Variants in FOXN2 observed in about 807,000 individuals in gnomAD.
FOXN2 encodes forkhead box N2, also known as forkhead box protein N2.
FOXN2 carries 19 observed loss-of-function variants against 41.2 expected under a neutral mutation model. That is an observed-to-expected ratio of 0.46 (90% confidence interval 0.32 to 0.68). The LOEUF (loss-of-function observed/expected upper bound fraction) is 0.68, where lower values mean the gene tolerates loss of function less well. FOXN2 is among the 30% of genes least tolerant of loss of function. FOXN2 has a pLI of 0.03. For missense variants in FOXN2, 587 were observed against 509.4 expected, an observed-to-expected ratio of 1.15 and a Z score of -1.47; for synonymous variants, 195 against 176.8, an observed-to-expected ratio of 1.10 and a Z score of -0.82.
intron 2 of FOXN2, among the ~76,000 whole-genome samples, chr2:48,344,840 AC>A (rs35784840): frequency 0.19 from 23,881 of 128,964 alleles, 3,033 homozygotes; most frequent in African/African-American, 0.37. Context: ...CTCTGGAGGT[AC>A]CCCCCCCCCC....
At chr2:48,316,336 G>C (rs1668919188) in intron 1 of FOXN2, among the ~76,000 whole-genome samples, 1 of 152,098 alleles carries the variant, frequency 6.6e-6, no homozygotes, top group South Asian at 2.1e-4. Flanking sequence ...GCATTATGGA[G>C]TTTGCCAACT....
chr2:48,357,583 C>A (rs769950021), intron 3 of FOXN2, among the ~76,000 whole-genome samples: 2 of 151,320 alleles, frequency 1.3e-5, no homozygotes, highest in African/African-American at 4.9e-5. Context: ...ACTATAGGCG[C>A]GCACCACCAC....
intron 3 of FOXN2, among the ~76,000 whole-genome samples, chr2:48,358,115 G>GT (rs928811319): frequency 3.1e-4 from 46 of 147,304 alleles, no homozygotes; most frequent in Admixed American, 1.6e-3. Flanking sequence ...ATTTTATCCC[G>GT]TTTTTTTTTA....
intron 5 of FOXN2, among the ~76,000 whole-genome samples, chr2:48,371,267 A>C (rs970197364): frequency 3.3e-5 from 5 of 152,122 alleles, no homozygotes; most frequent in African/African-American, 1.2e-4. Context: ...GTGTGGTGGC[A>C]CGCCTCTGTA....
chr2:48,349,387 G>T (rs1265538550), intron 3 of FOXN2, among the ~76,000 whole-genome samples: 1 of 152,114 alleles, frequency 6.6e-6, no homozygotes, highest in East Asian at 1.9e-4. Context: ...GGAAATGGAG[G>T]TAGGAGGATT....
chr2:48,324,234 TC>T lies in FOXN2; in HGVS notation c.-156-4324del, dbSNP rs1669521217. Among the ~76,000 whole-genome samples the T allele has an allele frequency of 2.6e-5, 3 of 113,520 alleles. No homozygotes were observed. The South Asian group carries it at 1.0e-3, about 39-fold the overall frequency. The allele number at this position is 113,520 out of a possible 152,430, so 74.5% of individuals were successfully genotyped here. A position where few individuals can be genotyped will look rare whatever the true frequency, so the allele number is the denominator to read the frequency against. ...TTTTGTGACAGAGTTTCGCTCTGTCTCCCAGGCCTGGAGTACAGTGGCACAA... is the reference window on the plus strand; with the variant it reads ...TTTTGTGACAGAGTTTCGCTCTGTCTCCAGGCCTGGAGTACAGTGGCACAA... On this transcript the variant is annotated intron_variant, in intron 1 of 6. Transcript: ENST00000340553.
In FOXN2 at chr2:48,365,574, G is replaced by C. The variant is rs76066228; in HGVS notation, c.703+2867G>C. On this transcript the variant is annotated intron_variant, in intron 5 of 6. Transcript: ENST00000340553. ...ACATTTCCACAAGTTTTTGCTGCTA[G>C]TTTCACCTGCATGTTTTTCATTTAC... is the stretch of plus-strand genomic sequence containing the variant. 2.5e-3 allele frequency among the ~76,000 whole-genome samples: 378 copies of C among 152,236 alleles called. 2 individuals are homozygous for C. The highest frequency in any genetic ancestry group is 6.8e-3 in the Middle Eastern group (2 of 294).
At chr2:48,362,457 C>T (rs2104473757) in intron 4 of FOXN2, among the ~76,000 whole-genome samples, 186 bp from the exon 5 acceptor site, 1 of 152,124 alleles carries the variant, frequency 6.6e-6, no homozygotes, top group South Asian at 2.1e-4. Flanking sequence ...TGGTCCCAGC[C>T]ACTCAGGCAG....
chr2:48,361,202 C>G (rs1041036720), intron 4 of FOXN2, among the ~76,000 whole-genome samples: 1 of 152,038 alleles, frequency 6.6e-6, no homozygotes, highest in Non-Finnish European at 1.5e-5. Context: ...TGAGGTGGCT[C>G]AAGCTTGTAA....
rs1021629860 is a variant in FOXN2, at chr2:48,379,155, T to C, written c.*3712T>C. The stretch of plus-strand genomic sequence containing the variant: ...CCACTTCTCAGTTGCCAATCTTTGC[T>C]CATATTAAAAACAACTTACAAATAC... On this transcript the variant is annotated 3_prime_UTR_variant, in exon 7 of 7. Coordinates refer to ENST00000340553, the MANE Select transcript of FOXN2 (RefSeq NM_002158.4). The C allele has an allele frequency of 6.6e-6, 1 of 152,638 alleles. No homozygotes were observed. The highest frequency in any genetic ancestry group is 2.4e-5 in the African/African-American group (1 of 41,462). The allele number at this position is 152,638 out of a possible 1,614,324, so 9.5% of individuals were successfully genotyped here.
At chr2:48,318,180 A>G (rs2104039767) in intron 1 of FOXN2, among the ~76,000 whole-genome samples, 1 of 152,316 alleles carries the variant, frequency 6.6e-6, no homozygotes, top group Non-Finnish European at 1.5e-5. Flanking sequence ...ACAATGGTAC[A>G]TTTGTCACAA....
chr2:48,359,322 C>T (rs890119903), intron 4 of FOXN2, among the ~76,000 whole-genome samples, 175 bp downstream of exon 4: 2 of 152,122 alleles, frequency 1.3e-5, no homozygotes, highest in Non-Finnish European at 2.9e-5. Context: ...TGGACACAGT[C>T]TTACTCTGTC....
At chr2:48,339,928 A>T (rs1670630025) in intron 2 of FOXN2, among the ~76,000 whole-genome samples, 1 of 152,234 alleles carries the variant, frequency 6.6e-6, no homozygotes, top group Non-Finnish European at 1.5e-5. Flanking sequence ...ATGGAATACT[A>T]GTCTCTGTAA....
At chr2:48,315,338 A>AAGT (rs1668836060) in intron 1 of FOXN2, among the ~76,000 whole-genome samples, 2 of 152,178 alleles carry the variant, frequency 1.3e-5, no homozygotes, top group Non-Finnish European at 2.9e-5. Flanking sequence ...GGGCCCCGCC[A>AAGT]AGTAGTGCAC....
intron 3 of FOXN2, among the ~76,000 whole-genome samples, chr2:48,353,588 G>C (rs1017066284): frequency 1.3e-5 from 2 of 149,764 alleles, no homozygotes; most frequent in South Asian, 4.3e-4. Flanking sequence ...GTGTGTGTGT[G>C]TGTGTGTGTG....
At chr2:48,329,203 A>G (rs765412755) in intron 2 of FOXN2, among the ~76,000 whole-genome samples, 2 of 152,198 alleles carry the variant, frequency 1.3e-5, no homozygotes, top group Non-Finnish European at 2.9e-5. Context: ...CAAATGCTGC[A>G]ACATTGTGTA....
chr2:48,333,002 T>G (rs562233658), intron 2 of FOXN2, among the ~76,000 whole-genome samples: 15 of 152,290 alleles, frequency 9.8e-5, no homozygotes, highest in Admixed American at 9.8e-4. Flanking sequence ...TTTCAATTTT[T>G]AAATTAATGA....
chr2:48,372,720 A>T (rs1672986257), intron 5 of FOXN2, among the ~76,000 whole-genome samples: 1 of 152,116 alleles, frequency 6.6e-6, no homozygotes, highest in Non-Finnish European at 1.5e-5. Context: ...AATTTGTCGT[A>T]CATGTAGGCT....
intron 2 of FOXN2, among the ~76,000 whole-genome samples, chr2:48,344,658 G>A (rs938536051): frequency 3.3e-5 from 5 of 152,180 alleles, no homozygotes; most frequent in African/African-American, 1.2e-4. Flanking sequence ...CTAATGGAGT[G>A]CTCTGAGGCT....
Sources: allele counts gnomAD v4.1 joint callset (sites outside exome capture counted in the v4.1 genomes callset), GRCh38; gene constraint gnomAD v4.1.1; transcripts MANE v1.5; gene names NCBI Gene and HGNC (gene_info 2026-07-23, HGNC 2026-07-21).